The following CCAR2 variants were observed in gnomAD, a reference collection of about 807,000 sequenced individuals.
CCAR2 encodes cell cycle and apoptosis regulator 2.
In CCAR2, 21 loss-of-function variants were observed where a neutral mutation model predicts 108.1. The ratio of observed to expected loss-of-function variants is 0.19; its 90% confidence interval spans 0.14 to 0.28. The LOEUF (loss-of-function observed/expected upper bound fraction) is 0.28, where lower values mean the gene tolerates loss of function less well. CCAR2 is among the 10% of genes least tolerant of loss of function. The pLI, the probability that CCAR2 is intolerant of heterozygous loss-of-function variation, is 1.00. For synonymous variants in CCAR2, 577 were observed against 472.8 expected, an observed-to-expected ratio of 1.22 and a Z score of -2.86; for missense variants, 1,126 against 1,177.0, an observed-to-expected ratio of 0.96 and a Z score of 0.63.
chr8:22,614,450 G>A lies in CCAR2; in HGVS notation c.988G>A (p.Asp330Asn). The A allele has an allele frequency of 1.2e-6, 2 of 1,614,212 alleles. No individual in the cohort carries two copies. The highest frequency in any genetic ancestry group is 1.7e-6 in the Non-Finnish European group (2 of 1,180,046). ...ELYRCCMLFVDDMAEPRETPE... is the reference protein window; with the variant it reads ...ELYRCCMLFVNDMAEPRETPE... ...GTATCGTTGTTGCATGCTCTTTGTG[G>A]ATGACATGGCTGAGCCAAGGGAGAC... is the stretch of plus-strand genomic sequence containing the variant. Residue 330 changes from aspartate to asparagine, a missense_variant, in exon 10 of 21, where the codon GAT becomes AAT. Around this residue, in one of 4 missense-constraint regions of CCAR2, gnomAD observed 1,013 missense variants for 993.9 expected, o/e 1.02. Coordinates refer to ENST00000308511, the MANE Select transcript of CCAR2 (RefSeq NM_001393997.1).
At position 22,606,076 on chromosome 8, in the gene CCAR2, T is replaced by G; in HGVS notation, c.59-9T>G. 1 of 1,612,164 alleles carries G rather than the reference T, an allele frequency of 6.2e-7. No individual in the cohort carries two copies. The highest frequency in any genetic ancestry group is 8.5e-7 in the Non-Finnish European group (1 of 1,178,202). ...GCGGTTCCTGGAGATTGCTTCTCTT[T>G]CCCCATAGGCACAGCTTCAACATCT... On this transcript the variant is annotated splice_polypyrimidine_tract_variant and intron_variant, in intron 2 of 20. Coordinates refer to ENST00000308511, the MANE Select transcript of CCAR2 (RefSeq NM_001393997.1).
downstream of CCAR2, chr8:22,620,845 T>C (rs1801767968): frequency 1.3e-5 from 2 of 152,356 alleles, no homozygotes; most frequent in African/African-American, 4.8e-5. Flanking sequence ...GTTCCCGAGG[T>C]ACCAGTCCTC....
intron 16 of CCAR2, among the ~76,000 whole-genome samples, 157 bp downstream of exon 16, chr8:22,617,935 G>T (rs1027364434): frequency 2.0e-5 from 3 of 152,200 alleles, no homozygotes; most frequent in African/African-American, 7.2e-5. Flanking sequence ...CACGTTCATA[G>T]GCTCCAGGAG....
intron 20 of CCAR2, 69 bp from the exon 21 acceptor site, chr8:22,619,569 G>C (rs952466275): frequency 1.5e-6 from 2 of 1,366,894 alleles, no homozygotes; most frequent in Non-Finnish European, 1.9e-6. Flanking sequence ...GCAGGAGGCA[G>C]TCCGCAGTCC....
intron 7 of CCAR2, among the ~76,000 whole-genome samples, chr8:22,612,033 C>G (rs1801306357): frequency 6.6e-6 from 1 of 151,934 alleles, no homozygotes; most frequent in South Asian, 2.1e-4. Context: ...CCACCTCCGC[C>G]TCCCCGGTTC....
At chr8:22,612,977 C>A in intron 7 of CCAR2, 40 bp from the exon 8 acceptor site, 1 of 1,595,616 alleles carries the variant, frequency 6.3e-7, no homozygotes, top group Admixed American at 1.8e-5. Flanking sequence ...ATACATATAA[C>A]AATGTGGTTT....
Position 22,618,344 on chromosome 8 carries a change from T to C in CCAR2, c.2074-5T>C. 2 of 1,614,168 alleles carry C rather than the reference T, an allele frequency of 1.2e-6. No homozygotes were observed. The highest frequency in any genetic ancestry group is 1.7e-6 in the Non-Finnish European group (2 of 1,179,996). On this transcript the variant is annotated splice_region_variant and splice_polypyrimidine_tract_variant and intron_variant, in intron 16 of 20. Transcript: ENST00000308511. ...AAATCCTGCTCATCTTTGTTTTCTT[T>C]GCAGCCCAAGGAGCTGGATCCCTCT...
At chr8:22,615,141 G>A in intron 11 of CCAR2, 140 bp downstream of exon 11, 1 of 1,210,672 alleles carries the variant, frequency 8.3e-7, no homozygotes, top group Non-Finnish European at 1.1e-6. Context: ...GTGCCTCAGG[G>A]TAGGGTGGGG....
intron 8 of CCAR2, 73 bp from the exon 9 acceptor site, chr8:22,614,019 C>G: frequency 7.0e-7 from 1 of 1,432,116 alleles, no homozygotes; most frequent in South Asian, 1.2e-5. Context: ...CCCATTTTTT[C>G]AAATCTTTGA....
At position 22,615,335 on chromosome 8, in the gene CCAR2, C is replaced by A. The variant is rs139212691; in HGVS notation, c.1206-90C>A. On this transcript the variant is annotated intron_variant, in intron 11 of 20. Coordinates refer to ENST00000308511, the MANE Select transcript of CCAR2 (RefSeq NM_001393997.1). ...GTTCGCAGTGTGTGCTCATTGAGTGCTGACTGGAAACTGAAGCCCTTGCCT... is the reference window on the plus strand; with the variant it reads ...GTTCGCAGTGTGTGCTCATTGAGTGATGACTGGAAACTGAAGCCCTTGCCT... 1.3e-3 allele frequency: 1,906 copies of A among 1,469,370 alleles called. 26 individuals are homozygous for A. The African/African-American group carries it at 0.023, about 18-fold the overall frequency. The allele number at this position is 1,469,370 out of a possible 1,614,324, so 91.0% of individuals were successfully genotyped here. A position where few individuals can be genotyped will look rare whatever the true frequency, so the allele number is the denominator to read the frequency against.
chr8:22,604,894 T>G (rs1801002840), intron 1 of CCAR2, 52 bp downstream of exon 1: 1 of 420,860 alleles, frequency 2.4e-6, no homozygotes, highest in African/African-American at 2.1e-5. Flanking sequence ...CCTCCGCCCC[T>G]CCGCTGGCCG....
chr8:22,619,807 T>G lies in CCAR2; in HGVS notation c.*125T>G, dbSNP rs1216126719. The G allele has an allele frequency of 2.1e-5, 22 of 1,027,540 alleles. No homozygotes were observed. The East Asian group carries it at 5.5e-4, about 26-fold the overall frequency. The allele number at this position is 1,027,540 out of a possible 1,614,324, so 63.7% of individuals were successfully genotyped here. On this transcript the variant is annotated 3_prime_UTR_variant, in exon 21 of 21. Transcript: ENST00000308511. ...GCCAGGGCAGGGGTGGCTGACCCCA[T>G]GCTCAGCCTCTAGGGGACGGCAGGC...
intron 7 of CCAR2, among the ~76,000 whole-genome samples, chr8:22,611,821 GTCTT>G (rs1358469151): frequency 1.4e-4 from 21 of 152,056 alleles, no homozygotes; most frequent in Non-Finnish European, 2.5e-4. Flanking sequence ...ACTATGTGTA[GTCTT>G]TCTTCTTCTT....
In CCAR2 at chr8:22,606,016, C is replaced by T. The variant is rs1013719622; in HGVS notation, c.59-69C>T. 18 of 1,435,318 alleles carry T rather than the reference C, an allele frequency of 1.3e-5. No individual in the cohort carries two copies. The African/African-American group carries it at 2.3e-4, about 18-fold the overall frequency. The allele number at this position is 1,435,318 out of a possible 1,614,324, so 88.9% of individuals were successfully genotyped here. On this transcript the variant is annotated intron_variant, in intron 2 of 20. Coordinates refer to ENST00000308511, the MANE Select transcript of CCAR2 (RefSeq NM_001393997.1). ...GGAGCTGTAGCCTTTGGATTTACCA[C>T]ATCCTTTGGTTGACTCGTGCTTAAG...
intron 14 of CCAR2, among the ~76,000 whole-genome samples, chr8:22,617,148 C>G (rs929088366): frequency 3.3e-5 from 5 of 151,920 alleles, no homozygotes; most frequent in African/African-American, 1.2e-4. Flanking sequence ...CCATGGCCAG[C>G]TGCTGCTTGT....
chr8:22,616,115 C>T lies in CCAR2; in HGVS notation c.1712C>T (p.Pro571Leu). Residue 571 changes from proline to leucine, a missense_variant, in exon 14 of 21, where the codon CCT becomes CTT. Coordinates refer to ENST00000308511, the MANE Select transcript of CCAR2 (RefSeq NM_001393997.1). ...LSLPEKVVSP[P>L]EPEKEEAAKE... Reference sequence around the variant, plus strand: ...CTTCCTGAAAAGGTCGTGTCCCCACCTGAACCTGAGAAGGAGGAGGCGGCC... The same window carrying T: ...CTTCCTGAAAAGGTCGTGTCCCCACTTGAACCTGAGAAGGAGGAGGCGGCC... The T allele has an allele frequency of 1.2e-6, 2 of 1,613,968 alleles. No individual in the cohort carries two copies. The highest frequency in any genetic ancestry group is 1.7e-6 in the Non-Finnish European group (2 of 1,179,990).
In CCAR2 at chr8:22,615,440, G is replaced by C; in HGVS notation, c.1221G>C (p.Glu407Asp). 1 of 1,613,652 alleles carries C rather than the reference G, an allele frequency of 6.2e-7. No individual in the cohort carries two copies. The highest frequency in any genetic ancestry group is 8.5e-7 in the Non-Finnish European group (1 of 1,179,896). ...SGCTKWWRFA[E>D]FQYLQPGPPR... The stretch of plus-strand genomic sequence containing the variant: ...CCATGTGCAGGTGGCGCTTTGCCGA[G>C]TTTCAGTACCTGCAGCCGGGACCCC... The change falls in exon 12 of 21, where the codon GAG (glutamate) becomes GAC (aspartate). Residue 407 changes from glutamate to aspartate, a missense_variant. Around this residue, in one of 4 missense-constraint regions of CCAR2, gnomAD observed 1,013 missense variants for 993.9 expected, o/e 1.02. Transcript: ENST00000308511.
At chr8:22,613,877 T>C (rs1801392484) in intron 8 of CCAR2, 1 of 581,006 alleles carries the variant, frequency 1.7e-6, no homozygotes, top group Non-Finnish European at 3.1e-6. Context: ...TCATGTGTTA[T>C]AAGTGTTTTC....
At chr8:22,613,222 T>A (rs1585159169) in intron 8 of CCAR2, 86 bp downstream of exon 8, 7 of 1,333,368 alleles carry the variant, frequency 5.2e-6, no homozygotes, top group Non-Finnish European at 6.8e-6. Flanking sequence ...CAAGTGCACA[T>A]GTATGTTCTT....
Sources: gnomAD v4.1 joint callset for allele counts (sites outside exome capture counted in the v4.1 genomes callset) on GRCh38, gnomAD v4.1.1 for gene constraint, gnomAD v4.1.1 regional missense constraint, MANE v1.5 for transcripts, NCBI Gene and HGNC (gene_info 2026-07-23, HGNC 2026-07-21) for gene names.